Variants in ESRRG observed in about 807,000 individuals in gnomAD.
The protein encoded by ESRRG is estrogen-related receptor gamma.
Under a neutral mutation model 44.0 loss-of-function variants are expected in ESRRG, and 13 were observed. The ratio of observed to expected loss-of-function variants is 0.30; its 90% CI spans 0.19 to 0.47. ESRRG has a LOEUF of 0.47. Ranked by LOEUF, ESRRG falls within the 20% of genes least tolerant of loss-of-function variation. The pLI is 1.00. For missense variants in ESRRG, 395 were observed against 580.6 expected, an observed-to-expected ratio of 0.68 and a Z score of 3.29; for synonymous variants, 215 against 214.6, an observed-to-expected ratio of 1.00 and a Z score of -0.02.
intron 1 of ESRRG, among the ~76,000 whole-genome samples, chr1:216,987,609 A>T (rs993206710): frequency 6.6e-6 from 1 of 152,148 alleles, no homozygotes; most frequent in East Asian, 1.9e-4. Flanking sequence ...TTGATGAAGT[A>T]CTCATTTCCT....
upstream of ESRRG, among the ~76,000 whole-genome samples, chr1:216,724,851 CAA>C (rs1385344667): frequency 6.6e-6 from 1 of 151,974 alleles, no homozygotes; most frequent in Non-Finnish European, 1.5e-5. Flanking sequence ...CTATTTATGG[CAA>C]AGAGATAACT....
chr1:217,068,353 CTT>C (rs5780959), intron 1 of ESRRG, among the ~76,000 whole-genome samples: 80 of 146,776 alleles, frequency 5.5e-4, no homozygotes, highest in Admixed American at 8.2e-4. Flanking sequence ...TCTTAGGAGT[CTT>C]TTTTTTTTTT....
chr1:216,898,542 C>T (rs2058692715), intron 2 of ESRRG, among the ~76,000 whole-genome samples: 1 of 152,084 alleles, frequency 6.6e-6, no homozygotes. Context: ...CGCTTGAATC[C>T]AGGAGGCAGA....
At chr1:216,803,872 A>G (rs1305588287) in intron 2 of ESRRG, among the ~76,000 whole-genome samples, 1 of 151,966 alleles carries the variant, frequency 6.6e-6, no homozygotes. Flanking sequence ...TTTATTCCAC[A>G]TCGTTTTGTT....
intron 5 of ESRRG, among the ~76,000 whole-genome samples, chr1:216,529,090 G>C (rs1050245101): frequency 2.0e-5 from 3 of 152,076 alleles, no homozygotes; most frequent in African/African-American, 7.2e-5. Flanking sequence ...ACTAGTTTGT[G>C]TATCCATTCT....
intron 2 of ESRRG, among the ~76,000 whole-genome samples, chr1:216,858,613 G>A (rs1488610766): frequency 1.3e-5 from 2 of 152,162 alleles, no homozygotes; most frequent in African/African-American, 2.4e-5. Flanking sequence ...TACTATCCTA[G>A]GTTCTTCACA....
At chr1:216,902,595 C>T (rs1045452704) in intron 2 of ESRRG, among the ~76,000 whole-genome samples, 1 of 152,120 alleles carries the variant, frequency 6.6e-6, no homozygotes, top group African/African-American at 2.4e-5. Context: ...ACATATTGCC[C>T]ACATACTCCT....
At chr1:216,810,095 T>G (rs981200309) in intron 2 of ESRRG, among the ~76,000 whole-genome samples, 2 of 152,080 alleles carry the variant, frequency 1.3e-5, no homozygotes, top group Non-Finnish European at 2.9e-5. Flanking sequence ...CTAGGAGCTC[T>G]TAGAATCTTT....
chr1:216,649,507 CAT>C (rs755303224), intron 3 of ESRRG, among the ~76,000 whole-genome samples: 198 of 143,854 alleles, frequency 1.4e-3, no homozygotes, highest in African/African-American at 3.3e-3. Context: ...TATATATATA[CAT>C]ATACACACAC....
intron 2 of ESRRG, among the ~76,000 whole-genome samples, chr1:216,916,327 G>A (rs550160559): frequency 6.6e-6 from 1 of 152,252 alleles, no homozygotes; most frequent in South Asian, 2.1e-4. Flanking sequence ...TCATGTCACC[G>A]TTCATCATGC....
chr1:216,745,466 C>G (rs2091285242), intron 2 of ESRRG, among the ~76,000 whole-genome samples: 1 of 152,224 alleles, frequency 6.6e-6, no homozygotes, highest in Non-Finnish European at 1.5e-5. Flanking sequence ...GCTGGGATTA[C>G]AGGCATGAGC....
At chr1:216,609,153 A>G (rs2060297403) in intron 3 of ESRRG, among the ~76,000 whole-genome samples, 1 of 152,230 alleles carries the variant, frequency 6.6e-6, no homozygotes. Context: ...TATTACACAC[A>G]CTTACGACAT....
At chr1:216,912,155 G>T (rs2060427085) in intron 2 of ESRRG, among the ~76,000 whole-genome samples, 1 of 33,676 alleles carries the variant, frequency 3.0e-5, no homozygotes, top group Admixed American at 4.0e-4. Flanking sequence ...GAAAAGAAAA[G>T]AAAAGAAAAG....
intron 2 of ESRRG, among the ~76,000 whole-genome samples, chr1:216,731,834 C>T (rs1227490605): frequency 3.3e-5 from 5 of 152,108 alleles, no homozygotes; most frequent in African/African-American, 9.7e-5. Flanking sequence ...ATTTGGATAA[C>T]GAAAGTTTAT....
intron 4 of ESRRG, among the ~76,000 whole-genome samples, chr1:216,566,681 T>C (rs1236547726): frequency 6.6e-6 from 1 of 152,192 alleles, no homozygotes; most frequent in Non-Finnish European, 1.5e-5. Context: ...CATATTATTG[T>C]ATTATCAGAG....
intron 1 of ESRRG, among the ~76,000 whole-genome samples, chr1:216,949,027 G>T (rs2066529818): frequency 6.6e-6 from 1 of 152,142 alleles, no homozygotes; most frequent in Non-Finnish European, 1.5e-5. Flanking sequence ...GCATTGTTCT[G>T]GATGCTGTCA....
At chr1:216,795,637 G>C (rs1471630343) in intron 2 of ESRRG, among the ~76,000 whole-genome samples, 1 of 151,654 alleles carries the variant, frequency 6.6e-6, no homozygotes, top group East Asian at 1.9e-4. Context: ...CACTGCACCT[G>C]GCCTCTAAAT....
intron 2 of ESRRG, among the ~76,000 whole-genome samples, chr1:216,786,347 G>T (rs1211802278): frequency 6.6e-6 from 1 of 152,084 alleles, no homozygotes; most frequent in Non-Finnish European, 1.5e-5. Flanking sequence ...GATCTCAAAC[G>T]TTGAATTCAT....
At chr1:217,106,065 A>G (rs1580589759) in intron 1 of ESRRG, among the ~76,000 whole-genome samples, 1 of 152,208 alleles carries the variant, frequency 6.6e-6, no homozygotes, top group South Asian at 2.1e-4. Flanking sequence ...GGCAGCCACA[A>G]TGATACACTT....
Sources: gnomAD v4.1 joint callset for allele counts (sites outside exome capture counted in the v4.1 genomes callset) on GRCh38, gnomAD v4.1.1 for gene constraint, MANE v1.5 for transcripts, NCBI Gene and HGNC (gene_info 2026-07-23, HGNC 2026-07-21) for gene names.